Variants in UBE2E3 observed in about 807,000 individuals in gnomAD.
UBE2E3 encodes ubiquitin-conjugating enzyme E2 E3.
A neutral mutation model predicts 23.6 loss-of-function variants in UBE2E3; 5 were observed. The ratio of observed to expected loss-of-function variants is 0.21; its 90% CI spans 0.11 to 0.44. The LOEUF is 0.44. Ranked by LOEUF, UBE2E3 falls within the 20% of genes least tolerant of loss-of-function variation. The pLI is 0.99. For missense variants in UBE2E3, 81 were observed against 249.8 expected, an observed-to-expected ratio of 0.32 and a Z score of 4.55; for synonymous variants, 78 against 87.5, an observed-to-expected ratio of 0.89 and a Z score of 0.60.
At chr2:180,989,736 C>T (rs947859579) in intron 3 of UBE2E3, 52 of 797,372 alleles carry the variant, frequency 6.5e-5, no homozygotes, top group Non-Finnish European at 9.1e-5. Flanking sequence ...GTGGGTAAAA[C>T]AGCATGTGCT....
intron 3 of UBE2E3, among the ~76,000 whole-genome samples, chr2:181,008,504 C>T (rs1685218997): frequency 6.6e-6 from 1 of 152,192 alleles, no homozygotes; most frequent in African/African-American, 2.4e-5. Flanking sequence ...TTCGTATGTG[C>T]ATTTCTAGTT....
intron 3 of UBE2E3, among the ~76,000 whole-genome samples, chr2:181,056,934 A>G (rs1687005474): frequency 6.6e-6 from 1 of 151,756 alleles, no homozygotes; most frequent in South Asian, 2.1e-4. Flanking sequence ...AAGGACACAT[A>G]CTATTTCAGC....
intron 3 of UBE2E3, among the ~76,000 whole-genome samples, chr2:181,045,050 G>C (rs940248064): frequency 6.6e-6 from 1 of 152,110 alleles, no homozygotes; most frequent in Non-Finnish European, 1.5e-5. Flanking sequence ...TTTTACGTCT[G>C]CTGCTTTATA....
intron 3 of UBE2E3, among the ~76,000 whole-genome samples, chr2:181,003,809 C>A (rs146884512): frequency 6.6e-5 from 10 of 152,298 alleles, no homozygotes; most frequent in African/African-American, 2.4e-4. Flanking sequence ...AATATGATTT[C>A]AAATGCATTA....
chr2:181,021,564 CT>C (rs1685683605), intron 3 of UBE2E3, among the ~76,000 whole-genome samples: 3 of 115,414 alleles, frequency 2.6e-5, no homozygotes, highest in Non-Finnish European at 3.6e-5. Context: ...CCCTTCCTTC[CT>C]TCCTTCCTCC....
intron 3 of UBE2E3, among the ~76,000 whole-genome samples, chr2:181,018,598 G>GTTTTTTTTTTTTTTTTT (rs4018770): frequency 7.8e-6 from 1 of 129,006 alleles, no homozygotes; most frequent in African/African-American, 2.9e-5. Context: ...CAATTTCTGT[G>GTTTTTTTTTTTTTTTTT]TTTTTTTTTT....
At chr2:181,057,628 G>C (rs1306248762) in intron 3 of UBE2E3, 65 bp from the exon 4 acceptor site, 2 of 1,378,132 alleles carry the variant, frequency 1.5e-6, no homozygotes, top group African/African-American at 2.9e-5. Context: ...CACTTCCCTG[G>C]TTTTAGGATA....
chr2:181,040,562 A>T (rs1686456250), intron 3 of UBE2E3, among the ~76,000 whole-genome samples: 1 of 152,190 alleles, frequency 6.6e-6, no homozygotes, highest in Non-Finnish European at 1.5e-5. Flanking sequence ...ATATAAAAGA[A>T]CTATAACATC....
chr2:181,047,810 T>C (rs1301765824), intron 3 of UBE2E3, among the ~76,000 whole-genome samples: 1 of 152,142 alleles, frequency 6.6e-6, no homozygotes, highest in African/African-American at 2.4e-5. Flanking sequence ...CCTTGCAAAA[T>C]GTCCATATTA....
intron 3 of UBE2E3, among the ~76,000 whole-genome samples, chr2:180,994,486 A>G (rs754514033): frequency 1.3e-5 from 2 of 152,198 alleles, no homozygotes; most frequent in African/African-American, 2.4e-5. Context: ...CTTTCAAAAG[A>G]TAAGACTCCT....
intron 3 of UBE2E3, among the ~76,000 whole-genome samples, chr2:180,993,869 A>G: frequency 6.6e-6 from 1 of 152,176 alleles, no homozygotes; most frequent in East Asian, 1.9e-4. Flanking sequence ...AGAGGGTACC[A>G]TAAGGCATTG....
rs149718643 is a variant in UBE2E3, at chr2:181,054,891, A to G, written c.246-2802A>G. Among the ~76,000 whole-genome samples, 23 of 151,946 alleles carry G rather than the reference A, an allele frequency of 1.5e-4. No homozygotes were observed. The East Asian group carries it at 4.1e-3, about 27-fold the overall frequency. The stretch of plus-strand genomic sequence containing the variant: ...GCTTAGGGTGATAAGGAATAGGAAT[A>G]GAGAGTGAGAACGAGGGGCCAGGAA... On this transcript the variant is annotated intron_variant, in intron 3 of 5. Coordinates refer to ENST00000410062, the MANE Select transcript of UBE2E3 (RefSeq NM_006357.4).
At chr2:180,984,020 G>A (rs780633477) in intron 2 of UBE2E3, 23 bp from the exon 3 acceptor site, 7 of 1,600,236 alleles carry the variant, frequency 4.4e-6, no homozygotes, top group Non-Finnish European at 6.0e-6. Flanking sequence ...AATCCTTTTT[G>A]TCTCTTCTCA....
chr2:181,026,479 T>C (rs964393877), intron 3 of UBE2E3, among the ~76,000 whole-genome samples: 3 of 151,796 alleles, frequency 2.0e-5, no homozygotes, highest in Non-Finnish European at 1.5e-5. Flanking sequence ...CTGTGTATTG[T>C]ATTTTCTGTC....
intron 3 of UBE2E3, among the ~76,000 whole-genome samples, chr2:181,000,596 C>G: frequency 6.6e-6 from 1 of 151,086 alleles, no homozygotes. Context: ...GCTCTGTCGC[C>G]CAGGCTGCAG....
At chr2:180,998,495 T>G (rs1447079250) in intron 3 of UBE2E3, among the ~76,000 whole-genome samples, 1 of 150,810 alleles carries the variant, frequency 6.6e-6, no homozygotes, top group Admixed American at 6.6e-5. Flanking sequence ...AATTCATTTA[T>G]CCTCTGTGAT....
chr2:181,037,578 C>A (rs572398383), intron 3 of UBE2E3, among the ~76,000 whole-genome samples: 1 of 151,882 alleles, frequency 6.6e-6, no homozygotes, highest in African/African-American at 2.4e-5. Flanking sequence ...TAGACAAATA[C>A]AAAGGAAAAT....
In UBE2E3 at chr2:180,980,625, CCGGGAGGAGCCGAGCCGGGCGGCGGCGG is replaced by C. The variant is rs961322269; in HGVS notation, c.-366_-339del. 1.4e-5 allele frequency: 2 copies of C among 146,572 alleles called. No individual in the cohort carries two copies. Among genetic ancestry groups the C allele is most frequent in the Non-Finnish European group, 1.5e-5 (1 of 65,352 alleles). 9.1% of individuals were successfully genotyped at this position (146,572 alleles called of 1,614,324 possible). On this transcript the variant is annotated 5_prime_UTR_variant, in exon 1 of 6. Coordinates refer to ENST00000410062, the MANE Select transcript of UBE2E3 (RefSeq NM_006357.4). This position sits in a 1 kb window ranked among gnomAD's most constrained non-coding sequence, Gnocchi z 5.5. ...GCCTCGGAACTTGCTGACTGCGCGG[CCGGGAGGAGCCGAGCCGGGCGGCGGCGG>C]CGGGAGGCTACAGCGCGCGGGGGTC...
chr2:181,040,135 T>G (rs998293632), intron 3 of UBE2E3, among the ~76,000 whole-genome samples: 2 of 152,196 alleles, frequency 1.3e-5, no homozygotes, highest in African/African-American at 2.4e-5. Flanking sequence ...TCCTAAAAAT[T>G]TATATACTTA....
Sources: gnomAD v4.1 joint callset for allele counts (sites outside exome capture counted in the v4.1 genomes callset) on GRCh38, gnomAD v4.1.1 for gene constraint, Gnocchi (gnomAD v3.1) non-coding constraint, MANE v1.5 for transcripts, NCBI Gene and HGNC (gene_info 2026-07-23, HGNC 2026-07-21) for gene names.